Variants in KCNMB2 observed in about 807,000 individuals in gnomAD.
KCNMB2 encodes the protein potassium calcium-activated channel subfamily M regulatory beta subunit 2, also known as calcium-activated potassium channel subunit beta-2.
Under a neutral mutation model 24.5 loss-of-function variants are expected in KCNMB2, and 9 were observed. The ratio of observed to expected loss-of-function variants is 0.37; its 90% CI spans 0.22 to 0.64. The LOEUF is 0.64. Among genes scored for constraint, KCNMB2 ranks in the 30% least tolerant of loss-of-function variants. The pLI is 0.63. For missense variants in KCNMB2, 226 were observed against 284.3 expected, an observed-to-expected ratio of 0.79 and a Z score of 1.47; for synonymous variants, 109 against 104.4, an observed-to-expected ratio of 1.04 and a Z score of -0.27.
chr3:178,597,615 C>T (rs556602748), intron 1 of KCNMB2, among the ~76,000 whole-genome samples: 1 of 152,244 alleles, frequency 6.6e-6, no homozygotes, highest in South Asian at 2.1e-4. Flanking sequence ...TTTACTGACG[C>T]AGTGATACAA....
intron 1 of KCNMB2, among the ~76,000 whole-genome samples, chr3:178,572,311 C>T (rs1252561788): frequency 6.6e-6 from 1 of 152,154 alleles, no homozygotes; most frequent in African/African-American, 2.4e-5. Context: ...GAATGCATGA[C>T]TACCTATTTA....
intron 1 of KCNMB2, among the ~76,000 whole-genome samples, chr3:178,589,459 G>A (rs1717582849): frequency 6.6e-6 from 1 of 152,198 alleles, no homozygotes; most frequent in East Asian, 1.9e-4. Context: ...GGGGGGAGGG[G>A]GAGGTTGTGT....
At chr3:178,551,974 G>A (rs553887814) in intron 1 of KCNMB2, among the ~76,000 whole-genome samples, 1 of 152,124 alleles carries the variant, frequency 6.6e-6, no homozygotes, top group African/African-American at 2.4e-5. Context: ...GGACTGTGAG[G>A]TCCTAAGAGG....
At chr3:178,699,685 T>A (rs1012509424) in intron 1 of KCNMB2, among the ~76,000 whole-genome samples, 8 of 152,140 alleles carry the variant, frequency 5.3e-5, no homozygotes, top group African/African-American at 1.4e-4. Context: ...CCTGCGGAGA[T>A]CAGAACTGAC....
intron 1 of KCNMB2, among the ~76,000 whole-genome samples, chr3:178,720,890 C>T (rs1436468454): frequency 2.0e-5 from 3 of 151,856 alleles, no homozygotes; most frequent in African/African-American, 4.8e-5. Context: ...AGCCCTTTGT[C>T]AGATGAGTAG....
intron 1 of KCNMB2, among the ~76,000 whole-genome samples, chr3:178,665,163 A>G (rs1720673085): frequency 6.6e-6 from 1 of 152,124 alleles, no homozygotes; most frequent in African/African-American, 2.4e-5. Flanking sequence ...TTAAACAAAG[A>G]GCTTCTAGGA....
chr3:178,762,659 G>A (rs1439462854), intron 1 of KCNMB2, among the ~76,000 whole-genome samples: 2 of 152,136 alleles, frequency 1.3e-5, no homozygotes, highest in Admixed American at 6.5e-5. Context: ...GTTGAAAGTT[G>A]AAACTGGGGT....
intron 1 of KCNMB2, among the ~76,000 whole-genome samples, chr3:178,625,277 G>A (rs936203445): frequency 1.3e-5 from 2 of 152,232 alleles, no homozygotes; most frequent in South Asian, 2.1e-4. Context: ...GGCAGGCAGG[G>A]GCCCACCCAG....
chr3:178,737,972 C>T (rs910638968), intron 1 of KCNMB2, among the ~76,000 whole-genome samples: 7 of 152,148 alleles, frequency 4.6e-5, no homozygotes, highest in African/African-American at 1.7e-4. Context: ...TGTTTATTGA[C>T]TGAATAGCTA....
chr3:178,710,810 T>G (rs1353512438), intron 1 of KCNMB2, among the ~76,000 whole-genome samples: 2 of 152,178 alleles, frequency 1.3e-5, no homozygotes, highest in Non-Finnish European at 2.9e-5. Flanking sequence ...AACCTCCTTA[T>G]AGTATTGATA....
At chr3:178,572,157 C>T (rs1365675539) in intron 1 of KCNMB2, among the ~76,000 whole-genome samples, 3 of 152,142 alleles carry the variant, frequency 2.0e-5, no homozygotes, top group Admixed American at 2.0e-4. Flanking sequence ...ACAGCATATA[C>T]AAAAGAAGGG....
At chr3:178,703,271 A>C (rs1722165685) in intron 1 of KCNMB2, among the ~76,000 whole-genome samples, 1 of 152,302 alleles carries the variant, frequency 6.6e-6, no homozygotes, top group East Asian at 1.9e-4. Context: ...GCAAGTGAGA[A>C]AAGGGGTTGA....
intron 4 of KCNMB2, among the ~76,000 whole-genome samples, chr3:178,835,542 T>C (rs777879232): frequency 6.6e-6 from 1 of 151,692 alleles, no homozygotes; most frequent in Non-Finnish European, 1.5e-5. Flanking sequence ...TCTTTGAACA[T>C]TTGAGCTATG....
intron 1 of KCNMB2, among the ~76,000 whole-genome samples, chr3:178,569,704 C>T (rs2108475164): frequency 6.6e-6 from 1 of 152,278 alleles, no homozygotes; most frequent in Admixed American, 6.5e-5. Context: ...ACTTTGTAAA[C>T]TGTAAAGAAT....
At chr3:178,681,921 T>G (rs1190378359) in intron 1 of KCNMB2, among the ~76,000 whole-genome samples, 2 of 152,170 alleles carry the variant, frequency 1.3e-5, no homozygotes, top group Non-Finnish European at 2.9e-5. Context: ...ACCCTCAACT[T>G]GAGACTTAAA....
intron 1 of KCNMB2, among the ~76,000 whole-genome samples, chr3:178,649,147 G>A (rs1720019562): frequency 1.3e-5 from 2 of 152,034 alleles, no homozygotes. Context: ...ACTTGTCTTA[G>A]TTTTTCATCT....
intron 1 of KCNMB2, among the ~76,000 whole-genome samples, chr3:178,659,864 A>G (rs762414616): frequency 5.3e-5 from 8 of 152,140 alleles, no homozygotes; most frequent in Non-Finnish European, 8.8e-5. Flanking sequence ...TTATTATCCA[A>G]TCTGCAGTCT....
chr3:178,736,737 A>T (rs1425282831), intron 1 of KCNMB2, among the ~76,000 whole-genome samples: 1 of 152,206 alleles, frequency 6.6e-6, no homozygotes, highest in African/African-American at 2.4e-5. Flanking sequence ...TCTGAGTGAG[A>T]ACTGATACTA....
At chr3:178,657,444 T>G (rs1299219808) in intron 1 of KCNMB2, among the ~76,000 whole-genome samples, 1 of 152,226 alleles carries the variant, frequency 6.6e-6, no homozygotes, top group Non-Finnish European at 1.5e-5. Flanking sequence ...GTTCAAGCTA[T>G]GCCATCTCTC....
Sources: gnomAD v4.1 joint callset for allele counts (sites outside exome capture counted in the v4.1 genomes callset) on GRCh38, gnomAD v4.1.1 for gene constraint, MANE v1.5 for transcripts, NCBI Gene and HGNC (gene_info 2026-07-23, HGNC 2026-07-21) for gene names.